TMTC2: variants seen among roughly 807,000 people sequenced by gnomAD.
TMTC2 encodes the protein protein O-mannosyl-transferase TMTC2.
A neutral mutation model predicts 82.4 loss-of-function variants in TMTC2; 43 were observed. That is an observed-to-expected ratio of 0.52 (90% confidence interval 0.41 to 0.67). The LOEUF (loss-of-function observed/expected upper bound fraction) is 0.67, where lower values mean the gene tolerates loss of function less well. TMTC2 is among the 30% of genes least tolerant of loss of function. The pLI is 0.00. For synonymous variants in TMTC2, 408 were observed against 381.9 expected, an observed-to-expected ratio of 1.07 and a Z score of -0.80; for missense variants, 919 against 1,012.4, an observed-to-expected ratio of 0.91 and a Z score of 1.25.
At chr12:82,795,844 A>G (rs556898760) in intron 1 of TMTC2, among the ~76,000 whole-genome samples, 1 of 152,268 alleles carries the variant, frequency 6.6e-6, no homozygotes, top group South Asian at 2.1e-4. Flanking sequence ...TGAGAAAATA[A>G]ATTTTTCTGT....
intron 10 of TMTC2, among the ~76,000 whole-genome samples, chr12:83,060,636 A>AT (rs1882707572): frequency 1.3e-5 from 2 of 151,516 alleles, no homozygotes; most frequent in South Asian, 2.1e-4. Context: ...TTCCTGTAGC[A>AT]TTTTTTCTGT....
chr12:83,104,708 T>C (rs540954428), intron 11 of TMTC2, among the ~76,000 whole-genome samples: 1 of 152,330 alleles, frequency 6.6e-6, no homozygotes, highest in South Asian at 2.1e-4. Flanking sequence ...TGTGAAGGTC[T>C]CTTTTCCCCA....
chr12:82,699,361 G>T (rs1872962816), intron 1 of TMTC2, among the ~76,000 whole-genome samples: 1 of 152,120 alleles, frequency 6.6e-6, no homozygotes, highest in African/African-American at 2.4e-5. Context: ...AGGCATTCTG[G>T]CCAACCTGAG....
intron 8 of TMTC2, among the ~76,000 whole-genome samples, chr12:83,000,863 C>A (rs573486768): frequency 1.7e-4 from 26 of 152,208 alleles, no homozygotes; most frequent in Non-Finnish European, 3.5e-4. Flanking sequence ...AACCTTAATT[C>A]TTGACTTCCG....
intron 1 of TMTC2, among the ~76,000 whole-genome samples, chr12:82,769,215 G>A (rs531980130): frequency 3.3e-4 from 50 of 152,048 alleles, no homozygotes; most frequent in African/African-American, 1.2e-3. Flanking sequence ...GCTCACTCCT[G>A]TAATCCCAGC....
intron 11 of TMTC2, among the ~76,000 whole-genome samples, chr12:83,113,170 T>G (rs1050033918): frequency 1.3e-5 from 2 of 152,112 alleles, no homozygotes; most frequent in African/African-American, 4.8e-5. Flanking sequence ...TTTTTTATAT[T>G]AACAAGGTAG....
chr12:83,035,862 G>A (rs1262341162), intron 9 of TMTC2, among the ~76,000 whole-genome samples: 1 of 152,116 alleles, frequency 6.6e-6, no homozygotes. Flanking sequence ...GTGCATAGTA[G>A]TAAATTTGGT....
intron 2 of TMTC2, among the ~76,000 whole-genome samples, chr12:82,884,330 G>A (rs1392064391): frequency 6.6e-6 from 1 of 152,116 alleles, no homozygotes; most frequent in Non-Finnish European, 1.5e-5. Flanking sequence ...TACTACAAAC[G>A]CTATAGAGTG....
At chr12:82,777,270 T>C (rs1408058541) in intron 1 of TMTC2, among the ~76,000 whole-genome samples, 5 of 152,132 alleles carry the variant, frequency 3.3e-5, no homozygotes, top group African/African-American at 1.2e-4. Flanking sequence ...CTTGGACTCT[T>C]TTGGGAATAT....
chr12:83,050,912 C>G lies in TMTC2; in HGVS notation c.2161C>G (p.Leu721Val), dbSNP rs766104680. 1 of 1,611,782 alleles carries G rather than the reference C, an allele frequency of 6.2e-7. No individual in the cohort carries two copies. The highest frequency in any genetic ancestry group is 8.5e-7 in the Non-Finnish European group (1 of 1,178,822). The change falls in exon 10 of 12, where the codon CTT (leucine) becomes GTT (valine). Residue 721 changes from leucine to valine, a missense_variant. Physicochemically the swap from Leu to Val is conservative, Grantham distance 32. Coordinates refer to ENST00000321196, the MANE Select transcript of TMTC2 (RefSeq NM_152588.3). ...GNCYMHYGQF[L>V]LEEARLIEAA... ...GTTTTTATACTTTTCAGGTCAGTTT[C>G]TTCTGGAAGAAGCTCGTCTCATAGA... is the stretch of plus-strand genomic sequence containing the variant.
chr12:82,739,715 C>A (rs146965323), intron 1 of TMTC2, among the ~76,000 whole-genome samples: 1 of 150,102 alleles, frequency 6.7e-6, no homozygotes, highest in East Asian at 1.9e-4. Flanking sequence ...AAAGAAAAGG[C>A]CATCTGTTAG....
chr12:82,964,358 C>T (rs1878091672), intron 4 of TMTC2, among the ~76,000 whole-genome samples: 1 of 151,978 alleles, frequency 6.6e-6, no homozygotes, highest in African/African-American at 2.4e-5. Flanking sequence ...TCTAAGAAAG[C>T]CTATGGAATC....
chr12:83,056,026 C>A (rs186309265), intron 10 of TMTC2, among the ~76,000 whole-genome samples: 2 of 152,006 alleles, frequency 1.3e-5, no homozygotes, highest in East Asian at 3.9e-4. Context: ...TTACACCTGA[C>A]TGATGGCTTA....
rs537124947 is a variant in TMTC2 at position 83,121,210 on chromosome 12, G to T, written c.2332-11000G>T. 1.4e-3 allele frequency among the ~76,000 whole-genome samples: 214 copies of T among 152,190 alleles called. 1 individual carries two copies. The highest frequency in any genetic ancestry group is 5.1e-3 in the African/African-American group (211 of 41,514). On this transcript the variant is annotated intron_variant, in intron 11 of 11. Coordinates refer to ENST00000321196, the MANE Select transcript of TMTC2 (RefSeq NM_152588.3). ...TGCTGGTGAACTAGTGTGATTTTTTGGGGTGTGTTAAAGAACCTTGTTTTG... is the reference window on the plus strand; with the variant it reads ...TGCTGGTGAACTAGTGTGATTTTTTTGGGTGTGTTAAAGAACCTTGTTTTG...
At chr12:83,052,901 G>A (rs535353647) in intron 10 of TMTC2, among the ~76,000 whole-genome samples, 3 of 151,972 alleles carry the variant, frequency 2.0e-5, no homozygotes, top group Admixed American at 6.6e-5. Context: ...GCAGTCAGTC[G>A]GTGCCCTCCT....
intron 11 of TMTC2, among the ~76,000 whole-genome samples, chr12:83,075,745 T>C (rs1883265865): frequency 6.6e-6 from 1 of 152,198 alleles, no homozygotes; most frequent in East Asian, 1.9e-4. Flanking sequence ...TAAGTCAGGA[T>C]CAATTTTAGT....
chr12:82,758,185 G>A (rs1197146990), intron 1 of TMTC2, among the ~76,000 whole-genome samples: 1 of 151,950 alleles, frequency 6.6e-6, no homozygotes, highest in African/African-American at 2.4e-5. Context: ...GGAATTCTGT[G>A]TTTATTCTCC....
At chr12:82,952,918 T>G (rs1034148266) in intron 4 of TMTC2, among the ~76,000 whole-genome samples, 8 of 152,156 alleles carry the variant, frequency 5.3e-5, no homozygotes, top group Non-Finnish European at 1.2e-4. Flanking sequence ...TGGCATTTTG[T>G]CAGTTGGGAA....
chr12:82,927,305 A>G (rs1476552850), intron 3 of TMTC2, among the ~76,000 whole-genome samples: 1 of 152,196 alleles, frequency 6.6e-6, no homozygotes, highest in Non-Finnish European at 1.5e-5. Context: ...TGGAGGAACA[A>G]ACTGCAGAGG....
Sources: allele counts gnomAD v4.1 joint callset (sites outside exome capture counted in the v4.1 genomes callset), GRCh38; gene constraint gnomAD v4.1.1; transcripts MANE v1.5; gene names NCBI Gene and HGNC (gene_info 2026-07-23, HGNC 2026-07-21).